The following KRT40 variants were observed in gnomAD, a reference collection of about 807,000 sequenced individuals.
KRT40 encodes keratin 40, also known as keratin, type I cytoskeletal 40.
KRT40 carries 47 observed loss-of-function variants against 43.5 expected under a neutral mutation model. That is an observed-to-expected ratio of 1.08 (90% CI 0.86 to 1.38). The LOEUF (loss-of-function observed/expected upper bound fraction) is 1.38, where lower values mean the gene tolerates loss of function less well. Among genes scored for constraint, KRT40 ranks in the 40% most tolerant of loss-of-function variants. The pLI, the probability that KRT40 is intolerant of heterozygous loss-of-function variation, is 0.00. For synonymous variants in KRT40, 212 were observed against 214.0 expected, an observed-to-expected ratio of 0.99 and a Z score of 0.08; for missense variants, 573 against 523.6, an observed-to-expected ratio of 1.09 and a Z score of -0.92.
upstream of KRT40, chr17:40,986,988 G>A (rs992969361): frequency 2.6e-5 from 4 of 152,124 alleles, no homozygotes; most frequent in Non-Finnish European, 4.4e-5. Flanking sequence ...TTCAAGCTTC[G>A]TAGGTACTAT....
In KRT40 at chr17:40,982,311, T is replaced by A; in HGVS notation, c.683A>T (p.Glu228Val). 6.4e-7 allele frequency: 1 copy of A among 1,568,324 alleles called. No individual in the cohort carries two copies. Among genetic ancestry groups the A allele is most frequent in the Non-Finnish European group, 8.6e-7 (1 of 1,161,120 alleles). The change falls in exon 3 of 7, where the codon GAA becomes GTA. Residue 228 changes from glutamate to valine, a missense_variant. Physicochemically the swap from Glu to Val is moderately radical, Grantham distance 121. Transcript: ENST00000377755. The stretch of plus-strand genomic sequence containing the variant: ...CGGAGTTGCCACTTTCCTTACCTCT[T>A]CATGGTTTTTCTTAAGGCAAAGGAG... The part of the protein sequence containing the change: ...EDLLCLKKNH[E>V]EEVNLLREQL...
chr17:40,983,426 G>A lies in KRT40; in HGVS notation c.448-298C>T, dbSNP rs552541386. Among the ~76,000 whole-genome samples, 6 of 152,248 alleles carry A rather than the reference G, an allele frequency of 3.9e-5. No homozygotes were observed. The South Asian group carries it at 1.2e-3, about 32-fold the overall frequency. ...TCTCCATCAGTAGTTTGTATTATGAGTATATCCTCTCCCATAATAATAGAA... is the reference window on the plus strand; with the variant it reads ...TCTCCATCAGTAGTTTGTATTATGAATATATCCTCTCCCATAATAATAGAA... On this transcript the variant is annotated intron_variant, in intron 1 of 6. Coordinates refer to ENST00000377755, the MANE Select transcript of KRT40 (RefSeq NM_001389244.1).
upstream of KRT40, among the ~76,000 whole-genome samples, chr17:40,986,741 A>AAC: frequency 6.6e-6 from 1 of 151,962 alleles, no homozygotes; most frequent in East Asian, 1.9e-4. Flanking sequence ...ATAAAAAAAA[A>AAC]AACCGACAAC....
intron 5 of KRT40, among the ~76,000 whole-genome samples, chr17:40,980,295 A>G (rs1912068393): frequency 6.6e-6 from 1 of 150,526 alleles, no homozygotes; most frequent in Admixed American, 6.6e-5. Context: ...AATGACATGC[A>G]CACAGTGGTG....
At position 40,984,126 on chromosome 17, in the gene KRT40, A is replaced by G. The variant is rs766150370; in HGVS notation, c.148T>C (p.Ser50Pro). ...TSRCQTPSFL[S>P]RSRGLTGCLL... ...CAACCAGTCAGCCCGCGAGACCTGGATAGGAAGCTTGGAGTCTGACATCGG... is the reference window on the plus strand; with the variant it reads ...CAACCAGTCAGCCCGCGAGACCTGGGTAGGAAGCTTGGAGTCTGACATCGG... The change falls in exon 1 of 7, where the codon TCC becomes CCC. Residue 50 changes from serine (S) to proline (P), a missense_variant. Ser to Pro is a moderately conservative substitution (Grantham distance 74). Transcript: ENST00000377755. The G allele has an allele frequency of 1.9e-6, 3 of 1,614,110 alleles. No individual in the cohort carries two copies. The highest frequency in any genetic ancestry group is 1.1e-5 in the South Asian group (1 of 91,070).
chr17:40,981,295 C>T (rs529112668), intron 3 of KRT40, 144 bp from the exon 4 acceptor site: 2 of 1,492,284 alleles, frequency 1.3e-6, no homozygotes, highest in Admixed American at 1.9e-5. Flanking sequence ...AATCTCTTTT[C>T]ACCACTTAGA....
Position 40,980,859 on chromosome 17 carries a change from A to G in KRT40, c.901T>C (p.Cys301Arg). The G allele has an allele frequency of 6.2e-7, 1 of 1,613,680 alleles. No individual in the cohort carries two copies. Among genetic ancestry groups the G allele is most frequent in the Non-Finnish European group, 8.5e-7 (1 of 1,179,986 alleles). The change falls in exon 5 of 7, where the codon TGC becomes CGC. Residue 301 changes from cysteine to arginine, a missense_variant. Cys to Arg is a radical substitution (Grantham distance 180, BLOSUM62 -3). Coordinates refer to ENST00000377755, the MANE Select transcript of KRT40 (RefSeq NM_001389244.1). ...QLSSAEQLQG[C>R]QMEILELKRT... Reference sequence around the variant, plus strand: ...TTCAGTTCCAAGATCTCCATCTGGCAGCCCTGCAGCTGCTCCGCGCTGGAC... The same window carrying G: ...TTCAGTTCCAAGATCTCCATCTGGCGGCCCTGCAGCTGCTCCGCGCTGGAC...
intron 5 of KRT40, 117 bp from the exon 6 acceptor site, chr17:40,979,141 G>A (rs1911978956): frequency 1.4e-6 from 1 of 700,592 alleles, no homozygotes; most frequent in African/African-American, 1.8e-5. Context: ...AAATTATTTA[G>A]CTTCTGTGAG....
chr17:40,978,754 T>C, intron 6 of KRT40, 50 bp downstream of exon 6: 1 of 1,502,044 alleles, frequency 6.7e-7, no homozygotes, highest in Non-Finnish European at 9.2e-7. Context: ...TTCTTTTACA[T>C]CAGCCTCTTT....
chr17:40,982,673 G>GAC (rs370442149), intron 2 of KRT40, among the ~76,000 whole-genome samples: 55,948 of 151,726 alleles, frequency 0.37, 12,100 homozygotes, highest in African/African-American at 0.62. Flanking sequence ...GTGTGAGAGA[G>GAC]AGAGATTGAG....
intron 3 of KRT40, among the ~76,000 whole-genome samples, chr17:40,982,010 C>G (rs1912187083): frequency 2.6e-5 from 4 of 152,102 alleles, no homozygotes; most frequent in Admixed American, 2.6e-4. Context: ...TCCCGAGTAG[C>G]TAGGACTACA....
In KRT40 at chr17:40,978,946, C is replaced by G; in HGVS notation, c.1054G>C (p.Asp352His). 1.9e-6 allele frequency: 3 copies of G among 1,614,128 alleles called. No homozygotes were observed. The highest frequency in any genetic ancestry group is 1.1e-5 in the South Asian group (1 of 91,084). ...TCGGCCAGCTGGTTCTCCAGGTTAT[C>G]GATCAGACACTGAATTTGGGCCAGC... ...SQLAQIQCLI[D>H]NLENQLAEIR... Residue 352 changes from aspartate to histidine, a missense_variant, in exon 6 of 7, where the codon GAT becomes CAT. Coordinates refer to ENST00000377755, the MANE Select transcript of KRT40 (RefSeq NM_001389244.1).
chr17:40,982,305 A>T lies in KRT40; in HGVS notation c.687+2T>A, dbSNP rs780646729. 1.9e-6 allele frequency: 3 copies of T among 1,552,062 alleles called. No homozygotes were observed. The highest frequency in any genetic ancestry group is 2.6e-6 in the Non-Finnish European group (3 of 1,153,810). On this transcript the variant is annotated splice_donor_variant, in intron 3 of 6. Transcript: ENST00000377755. LOFTEE classifies it high-confidence loss of function. ...CTTCAGCGGAGTTGCCACTTTCCTT[A>T]CCTCTTCATGGTTTTTCTTAAGGCA... is the stretch of plus-strand genomic sequence containing the variant.
At position 40,978,944 on chromosome 17, in the gene KRT40, A is replaced by G. The variant is rs1911959207; in HGVS notation, c.1056T>C (p.Asp352=). 3 of 1,614,096 alleles carry G rather than the reference A, an allele frequency of 1.9e-6. No homozygotes were observed. The highest frequency in any genetic ancestry group is 1.7e-6 in the Non-Finnish European group (2 of 1,179,996). The change falls in exon 6 of 7, where the codon GAT becomes GAC. Residue 352 remains aspartate, a synonymous_variant. Transcript: ENST00000377755. ...TCTCGGCCAGCTGGTTCTCCAGGTT[A>G]TCGATCAGACACTGAATTTGGGCCA... ...SQLAQIQCLI[D]NLENQLAEIR...
upstream of KRT40, chr17:40,984,331 A>C: frequency 7.4e-7 from 1 of 1,350,482 alleles, no homozygotes; most frequent in Non-Finnish European, 1.0e-6. Context: ...TGACTCCAAA[A>C]CTCTCCTCTC....
Position 40,984,024 on chromosome 17 carries a change from C to T in KRT40, c.250G>A (p.Val84Met). The change falls in exon 1 of 7, where the codon GTG becomes ATG. Residue 84 changes from valine (V) to methionine (M), a missense_variant. Coordinates refer to ENST00000377755, the MANE Select transcript of KRT40 (RefSeq NM_001389244.1). ...GTCTCCTTCTCATTGCTAGTGAACA[C>T]CCCATCCTCACACCAGGCACAGTTC... is the stretch of plus-strand genomic sequence containing the variant. ...VGNCAWCEDG[V>M]FTSNEKETMQ... 1 of 1,614,064 alleles carries T rather than the reference C, an allele frequency of 6.2e-7. No individual in the cohort carries two copies. The highest frequency in any genetic ancestry group is 8.5e-7 in the Non-Finnish European group (1 of 1,180,018).
At chr17:40,984,542 A>C (rs1912377517), upstream of KRT40, among the ~76,000 whole-genome samples, 1 of 152,222 alleles carries the variant, frequency 6.6e-6, no homozygotes. Flanking sequence ...AAGACAAAAC[A>C]CTTATTTCAG....
At chr17:40,979,056 G>A in intron 5 of KRT40, 32 bp from the exon 6 acceptor site, 1 of 1,566,192 alleles carries the variant, frequency 6.4e-7, no homozygotes, top group Non-Finnish European at 8.8e-7. Context: ...AAAGGACCAT[G>A]AAGTGCAGTC....
In KRT40 at chr17:40,977,800, G is replaced by A. The variant is rs111862238; in HGVS notation, c.*397C>T. 0.012 allele frequency: 1,837 copies of A among 155,796 alleles called. 31 individuals carry two copies. Among genetic ancestry groups the A allele is most frequent in the African/African-American group, 0.041 (1,714 of 41,590 alleles). 9.7% of individuals were successfully genotyped at this position (155,796 alleles called of 1,614,324 possible). On this transcript the variant is annotated 3_prime_UTR_variant, in exon 7 of 7. Transcript: ENST00000377755. ...CTAAGATATATGACATTTCTCATGG[G>A]TTCATTAATTTATTTGTATTTGAGG...
Sources: gnomAD v4.1 joint callset for allele counts (sites outside exome capture counted in the v4.1 genomes callset) on GRCh38, gnomAD v4.1.1 for gene constraint, MANE v1.5 for transcripts, NCBI Gene and HGNC (gene_info 2026-07-23, HGNC 2026-07-21) for gene names.